DOCK1: variants seen among roughly 807,000 people sequenced by gnomAD.
DOCK1 encodes dedicator of cytokinesis protein 1.
DOCK1 carries 138 observed loss-of-function variants against 262.7 expected under a neutral mutation model. That is an observed-to-expected ratio of 0.53 (90% CI 0.46 to 0.61). The LOEUF (loss-of-function observed/expected upper bound fraction) is 0.61. Ranked by LOEUF, DOCK1 falls within the 20% of genes least tolerant of loss-of-function variation. The pLI, the probability that DOCK1 is intolerant of heterozygous loss-of-function variation, is 0.00. For missense variants in DOCK1, 1,908 were observed against 2,370.7 expected (o/e 0.80, Z 4.05); for synonymous variants, 866 against 867.4 (o/e 1.00, Z 0.03).
At chr10:127,111,180 A>G (rs553625501) in intron 25 of DOCK1, among the ~76,000 whole-genome samples, 1 of 152,060 alleles carries the variant, frequency 6.6e-6, no homozygotes, top group African/African-American at 2.4e-5. Flanking sequence ...TTTGGAACAC[A>G]CTCTGTGCTT....
rs771596017 is a variant in DOCK1 at position 127,343,720 on chromosome 10, T to A, written c.3198T>A (p.Ser1066Arg). ...QESLQLENFS[S>R]AKRAKILNKY... ...CCCTGCAACTGGAGAATTTTTCAAG[T>A]GCCAAGAGAGCCAAAATCCTTAACA... Residue 1066 changes from serine to arginine, a missense_variant, in exon 31 of 52, where the codon AGT becomes AGA. Transcript: ENST00000623213. The A allele has an allele frequency of 1.9e-6, 3 of 1,609,880 alleles. No individual in the cohort carries two copies. Among genetic ancestry groups the A allele is most frequent in the Non-Finnish European group, 2.5e-6 (3 of 1,178,252 alleles).
intron 29 of DOCK1, among the ~76,000 whole-genome samples, chr10:127,262,488 T>G (rs2060209464): frequency 6.6e-6 from 1 of 152,156 alleles, no homozygotes; most frequent in African/African-American, 2.4e-5. Context: ...TAACTGTAAC[T>G]TTTATTCCCA....
At chr10:126,928,151 G>A (rs1349157460) in intron 1 of DOCK1, among the ~76,000 whole-genome samples, 3 of 152,218 alleles carry the variant, frequency 2.0e-5, no homozygotes, top group Non-Finnish European at 4.4e-5. Flanking sequence ...GAGTGAAGGC[G>A]TTCAGCAGAG....
chr10:127,233,925 T>C (rs2058949131), intron 27 of DOCK1, among the ~76,000 whole-genome samples: 1 of 152,200 alleles, frequency 6.6e-6, no homozygotes, highest in Non-Finnish European at 1.5e-5. Flanking sequence ...TGTTCTTCAA[T>C]AATAGAACTC....
intron 29 of DOCK1, among the ~76,000 whole-genome samples, chr10:127,287,347 GCCC>G (rs2061194400): frequency 6.6e-6 from 1 of 151,810 alleles, no homozygotes; most frequent in African/African-American, 2.4e-5. Context: ...GCACCACCAT[GCCC>G]AGCTAATTTT....
intron 27 of DOCK1, among the ~76,000 whole-genome samples, chr10:127,180,116 A>G (rs1203153109): frequency 6.6e-6 from 1 of 152,238 alleles, no homozygotes; most frequent in Non-Finnish European, 1.5e-5. Flanking sequence ...ACTTGAAGTG[A>G]TCCATGATAA....
chr10:127,191,683 C>G (rs1410823828), intron 27 of DOCK1, among the ~76,000 whole-genome samples: 2 of 152,190 alleles, frequency 1.3e-5, no homozygotes, highest in Non-Finnish European at 2.9e-5. Flanking sequence ...CCTAGAAACA[C>G]AAAGACTGCT....
intron 23 of DOCK1, among the ~76,000 whole-genome samples, chr10:127,103,027 G>T (rs2048338596): frequency 6.6e-6 from 1 of 152,112 alleles, no homozygotes; most frequent in Admixed American, 6.5e-5. Context: ...TTTCCAGAAT[G>T]TTATGAAAAT....
At chr10:127,114,026 C>T (rs2049024661) in intron 25 of DOCK1, among the ~76,000 whole-genome samples, 1 of 152,210 alleles carries the variant, frequency 6.6e-6, no homozygotes, top group Non-Finnish European at 1.5e-5. Context: ...CAGAGTATTT[C>T]TTCCAAGAGG....
At chr10:127,087,806 T>C (rs1029806921) in intron 23 of DOCK1, among the ~76,000 whole-genome samples, 4 of 152,200 alleles carry the variant, frequency 2.6e-5, no homozygotes, top group Non-Finnish European at 4.4e-5. Context: ...AAACTTTGGC[T>C]ACAAATACAC....
intron 27 of DOCK1, among the ~76,000 whole-genome samples, chr10:127,214,541 A>G (rs1209320054): frequency 6.6e-6 from 1 of 152,196 alleles, no homozygotes; most frequent in East Asian, 1.9e-4. Context: ...TTAGCTGAAT[A>G]ATACTCCTGT....
chr10:127,320,155 T>G (rs145244847), intron 29 of DOCK1, among the ~76,000 whole-genome samples: 1 of 102,918 alleles, frequency 9.7e-6, no homozygotes, highest in African/African-American at 4.4e-5. Flanking sequence ...GAGCAGAAGC[T>G]TCTGGGGCCT....
At chr10:127,021,691 G>A (rs1432174931) in intron 13 of DOCK1, among the ~76,000 whole-genome samples, 1 of 152,224 alleles carries the variant, frequency 6.6e-6, no homozygotes, top group African/African-American at 2.4e-5. Context: ...GTCAGTATCA[G>A]TGGGCGGCAG....
intron 29 of DOCK1, among the ~76,000 whole-genome samples, chr10:127,303,678 G>C (rs2061771094): frequency 8.6e-6 from 1 of 116,596 alleles, no homozygotes; most frequent in Admixed American, 7.6e-5. Flanking sequence ...GGGCAGCATA[G>C]TGAGACCCTA....
chr10:127,006,064 G>T (rs747819991), intron 10 of DOCK1, among the ~76,000 whole-genome samples: 4 of 152,156 alleles, frequency 2.6e-5, no homozygotes, highest in African/African-American at 4.8e-5. Context: ...TCAGCCTTGC[G>T]GTGTAGTAGC....
Position 127,175,737 on chromosome 10 carries a change from G to C in DOCK1, c.2847+47973G>C. On this transcript the variant is annotated intron_variant, in intron 27 of 51. Coordinates refer to ENST00000623213, the MANE Select transcript of DOCK1 (RefSeq NM_001290223.2). The surrounding 1 kb of genome is among the most constrained non-coding windows in gnomAD (Gnocchi z 6.3). ...GGCCCTCCCGAGCAGCTGGTAATCGGGCTCTTCGGATGGAGGCCGAGTGGA... is the reference window on the plus strand; with the variant it reads ...GGCCCTCCCGAGCAGCTGGTAATCGCGCTCTTCGGATGGAGGCCGAGTGGA... The C allele has an allele frequency of 6.2e-7, 1 of 1,614,098 alleles. No individual in the cohort carries two copies. Among genetic ancestry groups the C allele is most frequent in the Non-Finnish European group, 8.5e-7 (1 of 1,180,042 alleles).
intron 49 of DOCK1, among the ~76,000 whole-genome samples, chr10:127,439,470 GGCCGCTCTGCTGCTAGGCTCT>G (rs1050435672): frequency 4.3e-4 from 66 of 152,318 alleles, no homozygotes; most frequent in African/African-American, 1.5e-3. Context: ...CCTGGGGCGA[GGCCGCTCTGCTGCTAGGCTCT>G]GCCGCTCTGT....
chr10:126,942,312 C>T (rs1260924788), intron 1 of DOCK1, among the ~76,000 whole-genome samples: 4 of 152,096 alleles, frequency 2.6e-5, no homozygotes, highest in Admixed American at 6.6e-5. Context: ...TGTGAGCCAC[C>T]GCGCCCAGCC....
intron 6 of DOCK1, among the ~76,000 whole-genome samples, chr10:126,994,832 C>T (rs561213037): frequency 1.2e-4 from 18 of 152,286 alleles, no homozygotes; most frequent in East Asian, 3.9e-4. Flanking sequence ...TGAGCTGTTG[C>T]GTACACCTCC....
Sources: gnomAD v4.1 joint callset for allele counts (sites outside exome capture counted in the v4.1 genomes callset) on GRCh38, gnomAD v4.1.1 for gene constraint, Gnocchi (gnomAD v3.1) non-coding constraint, MANE v1.5 for transcripts, NCBI Gene and HGNC (gene_info 2026-07-23, HGNC 2026-07-21) for gene names.